Variants in STON2 observed in about 807,000 individuals in gnomAD.
STON2 encodes the protein stonin-2.
STON2 carries 29 observed loss-of-function variants against 65.7 expected under a neutral mutation model. That is an observed-to-expected ratio of 0.44 (90% CI 0.33 to 0.60). STON2 has a LOEUF of 0.60. STON2 is among the 20% of genes least tolerant of loss of function. The pLI is 0.03. For missense variants in STON2, 1,054 were observed against 1,118.1 expected (o/e 0.94, Z 0.82); for synonymous variants, 404 against 414.2 (o/e 0.98, Z 0.30).
intron 3 of STON2, among the ~76,000 whole-genome samples, chr14:81,392,764 CTG>C (rs1284830955): frequency 4.0e-5 from 6 of 151,788 alleles, no homozygotes; most frequent in Non-Finnish European, 5.9e-5. Context: ...TTTTCCCAAT[CTG>C]TCACAGAGAA....
chr14:81,267,099 AGT>A lies in STON2; in HGVS notation c.*1313_*1314del. ...TCTGCATCATCTACAAATCCAATGA[AGT>A]GTGCTTTCTGTCCCCCGACTTGTAT... On this transcript the variant is annotated 3_prime_UTR_variant, in exon 8 of 8. Transcript: ENST00000614646. The A allele has an allele frequency of 1.0e-6, 1 of 985,310 alleles. No individual in the cohort carries two copies. The highest frequency in any genetic ancestry group is 1.2e-6 in the Non-Finnish European group (1 of 829,830). The allele number at this position is 985,310 out of a possible 1,614,324, so 61.0% of individuals were successfully genotyped here.
intron 3 of STON2, among the ~76,000 whole-genome samples, chr14:81,383,403 T>C (rs1336211842): frequency 6.6e-6 from 1 of 152,200 alleles, no homozygotes; most frequent in Admixed American, 6.5e-5. Flanking sequence ...TGATGGTTAT[T>C]ATTCTCAAAC....
intron 4 of STON2, among the ~76,000 whole-genome samples, chr14:81,358,746 T>C (rs1455559552): frequency 2.0e-5 from 3 of 152,146 alleles, no homozygotes; most frequent in Admixed American, 6.5e-5. Flanking sequence ...GCTATACTTA[T>C]ATCAGGCAAA....
chr14:81,416,332 A>G (rs1387421315), intron 2 of STON2, among the ~76,000 whole-genome samples: 1 of 152,234 alleles, frequency 6.6e-6, no homozygotes, highest in Non-Finnish European at 1.5e-5. Flanking sequence ...TCCTGTGGTC[A>G]TGGCATTCAG....
chr14:81,390,809 G>C (rs1158208105), intron 3 of STON2, among the ~76,000 whole-genome samples: 3 of 152,192 alleles, frequency 2.0e-5, no homozygotes, highest in Non-Finnish European at 2.9e-5. Flanking sequence ...CAGAGTCTGA[G>C]ATGAGAATCA....
chr14:81,415,327 G>C (rs1901374567), intron 2 of STON2, among the ~76,000 whole-genome samples: 1 of 151,786 alleles, frequency 6.6e-6, no homozygotes, highest in Non-Finnish European at 1.5e-5. Context: ...GAGAGGTTAA[G>C]TAACGTGCTC....
chr14:81,394,746 T>C (rs1900233950), intron 3 of STON2, among the ~76,000 whole-genome samples: 1 of 152,170 alleles, frequency 6.6e-6, no homozygotes, highest in South Asian at 2.1e-4. Flanking sequence ...TGCCAAGGAA[T>C]GTTGACAGCC....
chr14:81,321,554 A>T (rs1896823691), intron 5 of STON2, among the ~76,000 whole-genome samples: 1 of 152,122 alleles, frequency 6.6e-6, no homozygotes. Context: ...TTAAATATAC[A>T]GTTTTCAATC....
chr14:81,411,315 G>A (rs973297989), intron 2 of STON2, among the ~76,000 whole-genome samples: 2 of 152,014 alleles, frequency 1.3e-5, no homozygotes, highest in Admixed American at 6.5e-5. Flanking sequence ...AAGTAAACTC[G>A]ATTGTGGTAT....
At position 81,270,222 on chromosome 14, in the gene STON2, A is replaced by C. The variant is rs997527748; in HGVS notation, c.2784+448T>G. On this transcript the variant is annotated intron_variant, in intron 7 of 7. Coordinates refer to ENST00000614646, the MANE Select transcript of STON2 (RefSeq NM_001394390.1). ...CCACCTCAGTCTCCTGAGTAGCTGG[A>C]CTACATGCACAGGCCACCATGCCCG... The C allele has an allele frequency of 1.8e-5, 7 of 394,804 alleles. No individual in the cohort carries two copies. In the Admixed American group the frequency reaches 3.9e-4, roughly 22 times the overall value. The allele number at this position is 394,804 out of a possible 1,614,324, so 24.5% of individuals were successfully genotyped here.
intron 5 of STON2, among the ~76,000 whole-genome samples, chr14:81,305,098 TCATTA>T (rs1896119559): frequency 1.3e-5 from 2 of 152,248 alleles, no homozygotes; most frequent in Non-Finnish European, 2.9e-5. Flanking sequence ...TTCATTCATT[TCATTA>T]CATGTGATGT....
chr14:81,287,906 A>G (rs1396628763), intron 5 of STON2, among the ~76,000 whole-genome samples: 1 of 152,138 alleles, frequency 6.6e-6, no homozygotes, highest in Non-Finnish European at 1.5e-5. Context: ...GTCTTAGATG[A>G]GGGCTCCATT....
intron 2 of STON2, among the ~76,000 whole-genome samples, chr14:81,422,824 G>C (rs1901771228): frequency 6.6e-6 from 1 of 152,104 alleles, no homozygotes; most frequent in African/African-American, 2.4e-5. Context: ...ACGAGGTCAG[G>C]AGTTCAAGAC....
At chr14:81,393,149 A>T (rs1022894558) in intron 3 of STON2, among the ~76,000 whole-genome samples, 1 of 152,208 alleles carries the variant, frequency 6.6e-6, no homozygotes, top group Non-Finnish European at 1.5e-5. Flanking sequence ...AATTATGACT[A>T]ATCTCAAAAT....
At chr14:81,268,634 A>C (rs1894451746) in intron 7 of STON2, 137 bp from the exon 8 acceptor site, 1 of 1,232,448 alleles carries the variant, frequency 8.1e-7, no homozygotes, top group Admixed American at 2.8e-5. Flanking sequence ...GCCACATTGG[A>C]GCTACTGGCC....
chr14:81,337,957 T>A (rs1897439457), intron 4 of STON2, among the ~76,000 whole-genome samples: 1 of 152,014 alleles, frequency 6.6e-6, no homozygotes, highest in Non-Finnish European at 1.5e-5. Flanking sequence ...AACAAGATTT[T>A]AAAAAAGATA....
intron 2 of STON2, among the ~76,000 whole-genome samples, chr14:81,419,724 T>C (rs1407745043): frequency 6.6e-6 from 1 of 152,182 alleles, no homozygotes; most frequent in African/African-American, 2.4e-5. Context: ...TCTAGGGAAA[T>C]AATGGCAGGT....
intron 5 of STON2, among the ~76,000 whole-genome samples, chr14:81,308,493 C>T (rs1193527126): frequency 2.6e-5 from 4 of 152,086 alleles, no homozygotes; most frequent in African/African-American, 4.8e-5. Flanking sequence ...CATGAGCCAC[C>T]GTGCCCAGCC....
intron 4 of STON2, among the ~76,000 whole-genome samples, chr14:81,328,043 T>C (rs1327443303): frequency 6.6e-6 from 1 of 152,222 alleles, no homozygotes; most frequent in African/African-American, 2.4e-5. Flanking sequence ...TGAGAATTCA[T>C]GATAAAGTAT....
Sources: gnomAD v4.1 joint callset for allele counts (sites outside exome capture counted in the v4.1 genomes callset) on GRCh38, gnomAD v4.1.1 for gene constraint, MANE v1.5 for transcripts, NCBI Gene and HGNC (gene_info 2026-07-23, HGNC 2026-07-21) for gene names.